SLIT2: variants seen among roughly 807,000 people sequenced by gnomAD.
SLIT2 encodes the protein slit guidance ligand 2.
SLIT2 carries 41 observed loss-of-function variants against 185.7 expected under a neutral mutation model. That is an observed-to-expected ratio of 0.22 (90% CI 0.17 to 0.29). The LOEUF is 0.29. SLIT2 is among the 10% of genes least tolerant of loss of function. SLIT2 has a pLI of 1.00. For missense variants in SLIT2, 1,571 were observed against 1,909.0 expected (o/e 0.82, Z 3.30); for synonymous variants, 693 against 680.2 (o/e 1.02, Z -0.29).
intron 9 of SLIT2, among the ~76,000 whole-genome samples, chr4:20,505,488 A>C (rs1229232455): frequency 6.6e-6 from 1 of 152,120 alleles, no homozygotes; most frequent in Non-Finnish European, 1.5e-5. Flanking sequence ...AATAATGTCT[A>C]CGAATTGAAC....
At chr4:20,539,922 T>A (rs564142388) in intron 19 of SLIT2, among the ~76,000 whole-genome samples, 1 of 152,138 alleles carries the variant, frequency 6.6e-6, no homozygotes, top group East Asian at 1.9e-4. Flanking sequence ...TGTTCTCACA[T>A]TGGAGTATTT....
At chr4:20,578,704 C>A (rs961373240) in intron 29 of SLIT2, among the ~76,000 whole-genome samples, 10 of 152,316 alleles carry the variant, frequency 6.6e-5, no homozygotes, top group African/African-American at 2.4e-4. Context: ...CGTGTGCCAG[C>A]AACACCATGT....
chr4:20,399,447 A>G (rs1726178786), intron 4 of SLIT2, among the ~76,000 whole-genome samples: 2 of 151,832 alleles, frequency 1.3e-5, no homozygotes, highest in Middle Eastern at 3.4e-3. Context: ...TTTATATAAT[A>G]GGGCTAATAA....
At chr4:20,498,750 A>T (rs1172351148) in intron 9 of SLIT2, among the ~76,000 whole-genome samples, 1 of 152,054 alleles carries the variant, frequency 6.6e-6, no homozygotes, top group Non-Finnish European at 1.5e-5. Flanking sequence ...ACATGATTTC[A>T]TTCATTTTTA....
chr4:20,533,780 T>C (rs897297013), intron 18 of SLIT2, 65 bp downstream of exon 18: 1 of 1,477,534 alleles, frequency 6.8e-7, no homozygotes, highest in Admixed American at 2.0e-5. Context: ...TTCATTATAA[T>C]CCTGGGAGAG....
intron 4 of SLIT2, among the ~76,000 whole-genome samples, chr4:20,463,718 C>CA (rs1281610622): frequency 5.4e-5 from 8 of 149,010 alleles, no homozygotes; most frequent in Admixed American, 2.7e-4. Flanking sequence ...ACTAAAAATA[C>CA]AAAAAAAATT....
At chr4:20,568,793 T>G (rs1725314663) in intron 28 of SLIT2, 72 bp from the exon 29 acceptor site, 2 of 1,402,026 alleles carry the variant, frequency 1.4e-6, no homozygotes, top group Non-Finnish European at 2.0e-6. Flanking sequence ...TATGCTTTTT[T>G]CAATATTTAG....
At chr4:20,407,550 A>G (rs1273220718) in intron 4 of SLIT2, among the ~76,000 whole-genome samples, 1 of 152,128 alleles carries the variant, frequency 6.6e-6, no homozygotes, top group Non-Finnish European at 1.5e-5. Flanking sequence ...CTTGGCAGGC[A>G]TTTGTGAGGA....
intron 19 of SLIT2, among the ~76,000 whole-genome samples, chr4:20,540,192 G>T (rs537738589): frequency 4.6e-4 from 70 of 152,158 alleles, no homozygotes; most frequent in African/African-American, 1.7e-3. Flanking sequence ...GGAGGGTGAG[G>T]CAGGAGAATT....
At chr4:20,403,178 A>C in intron 4 of SLIT2, among the ~76,000 whole-genome samples, 1 of 151,906 alleles carries the variant, frequency 6.6e-6, no homozygotes, top group East Asian at 1.9e-4. Context: ...ACATTTTTTT[A>C]AGTTGATTCA....
chr4:20,602,631 TTTGCATTTTTA>T (rs1203845196), intron 33 of SLIT2, among the ~76,000 whole-genome samples: 1 of 152,004 alleles, frequency 6.6e-6, no homozygotes, highest in African/African-American at 2.4e-5. Flanking sequence ...GACCCGAAAA[TTTGCATTTTTA>T]ACAAGTTTCC....
chr4:20,260,592 A>C (rs1195962235), intron 3 of SLIT2, among the ~76,000 whole-genome samples: 5 of 151,662 alleles, frequency 3.3e-5, no homozygotes, highest in African/African-American at 4.8e-5. Flanking sequence ...TTTTTCTTTT[A>C]TTTTATGTTG....
At chr4:20,304,496 G>C (rs538712019) in intron 4 of SLIT2, among the ~76,000 whole-genome samples, 58 of 152,196 alleles carry the variant, frequency 3.8e-4, no homozygotes, top group Non-Finnish European at 7.1e-4. Context: ...ATCTGAGCTT[G>C]GCCATGTGAC....
Position 20,532,063 on chromosome 4 carries a change from G to A in SLIT2, c.1688+5G>A. On this transcript the variant is annotated splice_donor_5th_base_variant and intron_variant, in intron 17 of 36. Coordinates refer to ENST00000504154, the MANE Select transcript of SLIT2 (RefSeq NM_004787.4). ...ACTTCCTCAATTACGTAAAATGTAA[G>A]TCACTTGTTAGCTATTTTTTTTATT... 1.3e-6 allele frequency: 2 copies of A among 1,516,152 alleles called. No individual in the cohort carries two copies. Among genetic ancestry groups the A allele is most frequent in the East Asian group, 2.4e-5 (1 of 42,356 alleles). 93.9% of individuals were successfully genotyped at this position (1,516,152 alleles called of 1,614,324 possible).
intron 15 of SLIT2, among the ~76,000 whole-genome samples, chr4:20,525,824 G>A (rs1350099727): frequency 2.0e-5 from 3 of 152,096 alleles, no homozygotes; most frequent in Admixed American, 2.0e-4. Context: ...GAAAGCATCA[G>A]AAGTTCATGG....
In SLIT2 at chr4:20,523,838, A is replaced by T. The variant is rs34224151; in HGVS notation, c.1209A>T (p.Leu403=). 2.4e-4 allele frequency: 385 copies of T among 1,613,884 alleles called. No homozygotes were observed. Among genetic ancestry groups the T allele is most frequent in the South Asian group, 4.8e-4 (44 of 91,074 alleles). The change falls in exon 13 of 37, where the codon CTA becomes CTT. Residue 403 remains leucine (L), a synonymous_variant. Coordinates refer to ENST00000504154, the MANE Select transcript of SLIT2 (RefSeq NM_004787.4). ...TCCACAACTTGAACCTTCTCTCCCT[A>T]TATGACAACAAGCTTCAGACCATCG... ...QDLHNLNLLS[L]YDNKLQTIAK...
At chr4:20,432,736 T>A (rs554064227) in intron 4 of SLIT2, among the ~76,000 whole-genome samples, 2 of 148,402 alleles carry the variant, frequency 1.3e-5, no homozygotes, top group South Asian at 2.1e-4. Flanking sequence ...CTGGAAAAAA[T>A]TATACAATTA....
chr4:20,312,200 C>T (rs1206370113), intron 4 of SLIT2, among the ~76,000 whole-genome samples: 5 of 151,962 alleles, frequency 3.3e-5, no homozygotes, highest in African/African-American at 1.2e-4. Context: ...TTAAATATTT[C>T]GCTTTAAGTT....
At chr4:20,583,832 A>T (rs571098655) in intron 29 of SLIT2, among the ~76,000 whole-genome samples, 90 of 151,832 alleles carry the variant, frequency 5.9e-4, no homozygotes, top group Admixed American at 9.8e-4. Flanking sequence ...ATAATAATAA[A>T]AATAAAATAA....
Sources: allele counts gnomAD v4.1 joint callset (sites outside exome capture counted in the v4.1 genomes callset), GRCh38; gene constraint gnomAD v4.1.1; transcripts MANE v1.5; gene names NCBI Gene and HGNC (gene_info 2026-07-23, HGNC 2026-07-21).